TFEC: variants seen among roughly 807,000 people sequenced by gnomAD.
The protein encoded by TFEC is transcription factor EC.
A neutral mutation model predicts 41.6 loss-of-function variants in TFEC; 31 were observed. The ratio of observed to expected loss-of-function variants is 0.74; its 90% confidence interval spans 0.56 to 1.01. The LOEUF (loss-of-function observed/expected upper bound fraction) is 1.01, where lower values mean the gene tolerates loss of function less well. Among genes scored for constraint, TFEC ranks in the 50% least tolerant of loss-of-function variants. TFEC has a pLI of 0.00. For missense variants in TFEC, 402 were observed against 404.1 expected, an observed-to-expected ratio of 0.99 and a Z score of 0.04; for synonymous variants, 143 against 140.6, an observed-to-expected ratio of 1.02 and a Z score of -0.12.
At chr7:116,086,661 T>C (rs1797210278) in intron 3 of TFEC, among the ~76,000 whole-genome samples, 1 of 151,808 alleles carries the variant, frequency 6.6e-6, no homozygotes, top group African/African-American at 2.4e-5. Flanking sequence ...ACAATATGAA[T>C]ACTTGGAGTT....
chr7:115,981,436 A>G (rs556905735), intron 2 of TFEC, among the ~76,000 whole-genome samples: 1 of 152,270 alleles, frequency 6.6e-6, no homozygotes, highest in South Asian at 2.1e-4. Flanking sequence ...TGTACTAATA[A>G]CAGCAAGTAG....
At position 115,936,621 on chromosome 7, in the gene TFEC, A is replaced by G. The variant is rs1224903251; in HGVS notation, c.*3930T>C. 6.6e-6 allele frequency: 1 copy of G among 151,694 alleles called. No individual in the cohort carries two copies. Among genetic ancestry groups the G allele is most frequent in the Admixed American group, 6.6e-5 (1 of 15,214 alleles). 9.4% of individuals were successfully genotyped at this position (151,694 alleles called of 1,614,324 possible). ...AAAAAAGTGTTTCCATGATGCCTTGAAGTATAAGAAAATTCCTATATGACT... is the reference window on the plus strand; with the variant it reads ...AAAAAAGTGTTTCCATGATGCCTTGGAGTATAAGAAAATTCCTATATGACT... On this transcript the variant is annotated 3_prime_UTR_variant, in exon 8 of 8. Transcript: ENST00000265440.
At chr7:115,980,405 G>C (rs1793573115) in intron 2 of TFEC, among the ~76,000 whole-genome samples, 1 of 152,154 alleles carries the variant, frequency 6.6e-6, no homozygotes, top group Non-Finnish European at 1.5e-5. Context: ...AACAGCCTCT[G>C]ACTACCTACT....
chr7:115,993,935 A>G (rs904065318), intron 1 of TFEC, among the ~76,000 whole-genome samples: 30 of 152,232 alleles, frequency 2.0e-4, no homozygotes, highest in Non-Finnish European at 4.0e-4. Context: ...TGGAGGCATT[A>G]CGCTATCTGA....
chr7:115,959,212 A>G (rs1792400294), intron 3 of TFEC, among the ~76,000 whole-genome samples: 1 of 151,832 alleles, frequency 6.6e-6, no homozygotes, highest in Non-Finnish European at 1.5e-5. Flanking sequence ...AACTTTAAAG[A>G]CATAAAATAA....
intron 3 of TFEC, among the ~76,000 whole-genome samples, chr7:116,036,726 T>C (rs1795920673): frequency 6.6e-6 from 1 of 152,186 alleles, no homozygotes; most frequent in South Asian, 2.1e-4. Flanking sequence ...TTTTTAAAGA[T>C]AAATTACCCA....
chr7:115,994,346 A>T (rs867356103), intron 1 of TFEC, among the ~76,000 whole-genome samples: 2,750 of 152,344 alleles, frequency 0.018, 31 homozygotes, highest in Non-Finnish European at 0.026. Context: ...AAAAGCCAAA[A>T]TTGACAAATG....
chr7:116,121,986 T>A (rs1252282417), intron 1 of TFEC, among the ~76,000 whole-genome samples: 2 of 152,042 alleles, frequency 1.3e-5, no homozygotes, highest in Non-Finnish European at 2.9e-5. Context: ...TCCGAACAGG[T>A]AACAAATGTA....
intron 6 of TFEC, among the ~76,000 whole-genome samples, chr7:115,947,635 C>T (rs1236325534): frequency 1.3e-5 from 2 of 151,334 alleles, no homozygotes; most frequent in Non-Finnish European, 2.9e-5. Context: ...GATGGTATCT[C>T]ATTGTGGTTT....
chr7:116,077,482 C>T (rs1397170943), intron 3 of TFEC, among the ~76,000 whole-genome samples: 1 of 152,074 alleles, frequency 6.6e-6, no homozygotes, highest in Non-Finnish European at 1.5e-5. Context: ...TACAGAATGG[C>T]TGAACGGATA....
At chr7:116,082,233 G>T (rs1045075313) in intron 3 of TFEC, among the ~76,000 whole-genome samples, 1 of 151,946 alleles carries the variant, frequency 6.6e-6, no homozygotes, top group African/African-American at 2.4e-5. Flanking sequence ...GCTACAGGGT[G>T]AATGAGGACA....
At chr7:116,045,469 G>A (rs1796141475) in intron 3 of TFEC, among the ~76,000 whole-genome samples, 1 of 152,218 alleles carries the variant, frequency 6.6e-6, no homozygotes, top group Non-Finnish European at 1.5e-5. Flanking sequence ...GCTTCAGAGG[G>A]TGGAAGCCCC....
chr7:116,010,049 CGG>C (rs1385890930), intron 1 of TFEC, among the ~76,000 whole-genome samples: 1 of 151,900 alleles, frequency 6.6e-6, no homozygotes, highest in Non-Finnish European at 1.5e-5. Context: ...AAAAGCATTT[CGG>C]AGAGATGGAG....
intron 3 of TFEC, among the ~76,000 whole-genome samples, chr7:116,069,355 A>G (rs542599748): frequency 2.6e-5 from 4 of 151,768 alleles, no homozygotes; most frequent in African/African-American, 9.6e-5. Flanking sequence ...ATTTCTAAAA[A>G]AAAGGTTCAT....
At chr7:116,020,852 G>T (rs1795370324) in intron 1 of TFEC, among the ~76,000 whole-genome samples, 1 of 151,898 alleles carries the variant, frequency 6.6e-6, no homozygotes, top group Admixed American at 6.6e-5. Flanking sequence ...AAAATTTTAG[G>T]CAAATTAAGG....
In TFEC at chr7:115,940,200, C is replaced by T; in HGVS notation, c.*351G>A. ...TAAGAGACTGTTTGTATATTTCAGT[C>T]GTTTAACACTTTGCAGTCATTAGTT... On this transcript the variant is annotated 3_prime_UTR_variant, in exon 8 of 8. Transcript: ENST00000265440. 1 of 169,768 alleles carries T rather than the reference C, an allele frequency of 5.9e-6. No individual in the cohort carries two copies. The allele number at this position is 169,768 out of a possible 1,614,324, so 10.5% of individuals were successfully genotyped here.
At chr7:116,061,414 A>G (rs192515785) in intron 3 of TFEC, among the ~76,000 whole-genome samples, 1 of 152,272 alleles carries the variant, frequency 6.6e-6, no homozygotes, top group East Asian at 1.9e-4. Context: ...CCAAAAAATG[A>G]ATTTTTAATC....
At chr7:116,015,398 G>T (rs1795152174) in intron 1 of TFEC, among the ~76,000 whole-genome samples, 1 of 152,104 alleles carries the variant, frequency 6.6e-6, no homozygotes, top group Non-Finnish European at 1.5e-5. Context: ...ATGATCTGAA[G>T]AAAGTGTAGA....
chr7:116,118,717 G>A (rs1159606128), intron 1 of TFEC, among the ~76,000 whole-genome samples: 5 of 151,744 alleles, frequency 3.3e-5, no homozygotes, highest in Non-Finnish European at 7.4e-5. Flanking sequence ...ATTACAAAAC[G>A]AAAGAGAAAC....
Sources: allele counts gnomAD v4.1 joint callset (sites outside exome capture counted in the v4.1 genomes callset), GRCh38; gene constraint gnomAD v4.1.1; transcripts MANE v1.5; gene names NCBI Gene and HGNC (gene_info 2026-07-23, HGNC 2026-07-21).